SLC25A13: variants seen among roughly 807,000 people sequenced by gnomAD.
SLC25A13 encodes solute carrier family 25 member 13.
Under a neutral mutation model 85.5 loss-of-function variants are expected in SLC25A13, and 70 were observed. The observed-to-expected ratio is 0.82, with a 90% CI of 0.68 to 1.00. The LOEUF (loss-of-function observed/expected upper bound fraction) is 1.00. Ranked by LOEUF, SLC25A13 falls within the 50% of genes least tolerant of loss-of-function variation. The probability of loss-of-function intolerance (pLI) is 0.00; values close to 1 mark genes in which losing one functional copy is unlikely to be tolerated. For synonymous variants in SLC25A13, 259 were observed against 288.7 expected (o/e 0.90, Z 1.04); for missense variants, 765 against 819.8 (o/e 0.93, Z 0.82).
At chr7:96,139,694 C>T (rs1367729549) in intron 14 of SLC25A13, among the ~76,000 whole-genome samples, 7 of 152,190 alleles carry the variant, frequency 4.6e-5, no homozygotes, top group Admixed American at 1.3e-4. Flanking sequence ...TACACTTAGA[C>T]ACCTCATATG....
intron 12 of SLC25A13, among the ~76,000 whole-genome samples, chr7:96,170,721 A>G (rs1156673200): frequency 2.0e-5 from 3 of 152,242 alleles, no homozygotes; most frequent in Non-Finnish European, 4.4e-5. Context: ...GCCAGAGAAG[A>G]TTAGCTATCT....
chr7:96,189,529 ACCT>A (rs1794764651), intron 8 of SLC25A13, 49 bp downstream of exon 8: 1 of 1,550,400 alleles, frequency 6.4e-7, no homozygotes. Flanking sequence ...CCTCCTCCTA[ACCT>A]CCTTTTATTA....
chr7:96,135,615 A>G (rs1792249430), intron 14 of SLC25A13, among the ~76,000 whole-genome samples: 1 of 152,226 alleles, frequency 6.6e-6, no homozygotes, highest in Non-Finnish European at 1.5e-5. Context: ...ACAGCAAAAC[A>G]TAAACCTGTT....
chr7:96,315,631 C>G (rs1472141726), intron 1 of SLC25A13, among the ~76,000 whole-genome samples: 1 of 152,114 alleles, frequency 6.6e-6, no homozygotes, highest in African/African-American at 2.4e-5. Flanking sequence ...ATAAGAACCC[C>G]TAAAACCCAA....
chr7:96,212,212 C>A (rs1437987695), intron 4 of SLC25A13, among the ~76,000 whole-genome samples: 1 of 152,146 alleles, frequency 6.6e-6, no homozygotes, highest in African/African-American at 2.4e-5. Context: ...ACACATGACC[C>A]TGAGGATGTA....
intron 2 of SLC25A13, among the ~76,000 whole-genome samples, chr7:96,287,189 C>CCTGA (rs1798924226): frequency 6.6e-6 from 1 of 152,178 alleles, no homozygotes; most frequent in South Asian, 2.1e-4. Context: ...AAATGGTAAA[C>CCTGA]CTGACATCCT....
At chr7:96,316,887 CAG>C (rs1800146472) in intron 1 of SLC25A13, among the ~76,000 whole-genome samples, 1 of 152,198 alleles carries the variant, frequency 6.6e-6, no homozygotes, top group Non-Finnish European at 1.5e-5. Context: ...ACATGGTGGA[CAG>C]AGTGAGGCCA....
chr7:96,133,287 T>A (rs1792113837), intron 14 of SLC25A13, among the ~76,000 whole-genome samples: 1 of 152,204 alleles, frequency 6.6e-6, no homozygotes, highest in South Asian at 2.1e-4. Context: ...TTCTGTATCT[T>A]GTCCACCCCC....
intron 5 of SLC25A13, among the ~76,000 whole-genome samples, chr7:96,200,181 T>C (rs1374882764): frequency 6.6e-6 from 1 of 152,156 alleles, no homozygotes; most frequent in Admixed American, 6.5e-5. Context: ...AAGCAAAGAG[T>C]TAATAAGGAA....
rs574148664 is a variant in SLC25A13, at chr7:96,120,604, A to G, written c.*587T>C. The stretch of plus-strand genomic sequence containing the variant: ...TAGTAGTCTTGGTACCAGTAACAAT[A>G]TGATTACTAAACATCTCCAATGTGG... On this transcript the variant is annotated 3_prime_UTR_variant, in exon 18 of 18. Transcript: ENST00000265631. 1 of 454,546 alleles carries G rather than the reference A, an allele frequency of 2.2e-6. No homozygotes were observed. The highest frequency in any genetic ancestry group is 1.6e-5 in the South Asian group (1 of 64,470). The allele number at this position is 454,546 out of a possible 1,614,324, so 28.2% of individuals were successfully genotyped here.
At chr7:96,318,104 A>T (rs1009017932) in intron 1 of SLC25A13, among the ~76,000 whole-genome samples, 1 of 152,186 alleles carries the variant, frequency 6.6e-6, no homozygotes, top group African/African-American at 2.4e-5. Flanking sequence ...AGTCCTACAG[A>T]CCAAATTGTC....
intron 15 of SLC25A13, among the ~76,000 whole-genome samples, chr7:96,123,084 A>G (rs1791581763): frequency 6.6e-6 from 1 of 152,182 alleles, no homozygotes; most frequent in African/African-American, 2.4e-5. Context: ...CATTTATATT[A>G]CTGAAGGAGT....
rs1792802405 is a variant in SLC25A13, at chr7:96,146,575, C to A, written c.1433G>T (p.Gly478Val). The A allele has an allele frequency of 3.7e-6, 6 of 1,613,644 alleles. No individual in the cohort carries two copies. Among genetic ancestry groups the A allele is most frequent in the Non-Finnish European group, 5.1e-6 (6 of 1,179,902 alleles). The change falls in exon 14 of 18, where the codon GGG (glycine) becomes GTG (valine). Residue 478 changes from glycine to valine, a missense_variant. By Grantham distance (109) the Gly-to-Val change is moderately radical (BLOSUM62 -3). Transcript: ENST00000265631. Reference protein sequence around the residue: ...VSALSVVRDLGFFGIYKGAKA... With the variant: ...VSALSVVRDLVFFGIYKGAKA... ...AGTTACCTTGTAGATCCCAAAAAAC[C>A]CCAGGTCCCGCACGACAGACAGAGC...
At position 96,237,131 on chromosome 7, in the gene SLC25A13, C is replaced by G. The variant is rs369635097; in HGVS notation, c.213-2214G>C. Among the ~76,000 whole-genome samples, 21 of 152,336 alleles carry G rather than the reference C, an allele frequency of 1.4e-4. No homozygotes were observed. In the South Asian group the frequency reaches 3.5e-3, roughly 26 times the overall value. ...TAAACTCCACACTCAGAAGCCCTCCCTTAAATCTATGGCTGTAAGGCTGGT... is the reference window on the plus strand; with the variant it reads ...TAAACTCCACACTCAGAAGCCCTCCGTTAAATCTATGGCTGTAAGGCTGGT... On this transcript the variant is annotated intron_variant, in intron 3 of 17. Transcript: ENST00000265631.
chr7:96,168,520 C>T (rs1448171609), intron 13 of SLC25A13, among the ~76,000 whole-genome samples: 3 of 152,100 alleles, frequency 2.0e-5, no homozygotes, highest in African/African-American at 7.2e-5. Flanking sequence ...AAAACAAGAC[C>T]ACCTACAGAT....
chr7:96,244,005 C>A (rs530275242), intron 3 of SLC25A13, among the ~76,000 whole-genome samples: 1 of 152,248 alleles, frequency 6.6e-6, no homozygotes, highest in Non-Finnish European at 1.5e-5. Context: ...CACGGGCCGC[C>A]GGGTGAAGCA....
intron 3 of SLC25A13, among the ~76,000 whole-genome samples, chr7:96,273,459 C>T (rs1025148704): frequency 1.8e-4 from 27 of 152,090 alleles, no homozygotes; most frequent in Admixed American, 1.8e-3. Context: ...TTGACATGAT[C>T]ATTAATTCTC....
At chr7:96,131,703 A>G (rs780718018) in intron 15 of SLC25A13, 40 bp downstream of exon 15, 5 of 1,612,940 alleles carry the variant, frequency 3.1e-6, no homozygotes, top group Non-Finnish European at 4.2e-6. Context: ...GGGGGCAGCA[A>G]GGGTCAGGGA....
At chr7:96,155,310 C>A (rs998011033) in intron 13 of SLC25A13, among the ~76,000 whole-genome samples, 1 of 152,122 alleles carries the variant, frequency 6.6e-6, no homozygotes, top group African/African-American at 2.4e-5. Flanking sequence ...GGCTCCATTT[C>A]CAAACTGTGA....
Sources: gnomAD v4.1 joint callset for allele counts (sites outside exome capture counted in the v4.1 genomes callset) on GRCh38, gnomAD v4.1.1 for gene constraint, MANE v1.5 for transcripts, NCBI Gene and HGNC (gene_info 2026-07-23, HGNC 2026-07-21) for gene names.